NCOA3: variants seen among roughly 807,000 people sequenced by gnomAD.
The protein encoded by NCOA3 is nuclear receptor coactivator 3.
NCOA3 carries 51 observed loss-of-function variants against 158.8 expected under a neutral mutation model. That is an observed-to-expected ratio of 0.32 (90% CI 0.26 to 0.41). NCOA3 has a LOEUF of 0.41. Among genes scored for constraint, NCOA3 ranks in the 10% least tolerant of loss-of-function variants. The pLI is 1.00. For synonymous variants in NCOA3, 537 were observed against 592.4 expected (o/e 0.91, Z 1.36); for missense variants, 1,510 against 1,746.6 (o/e 0.86, Z 2.41).
intron 1 of NCOA3, among the ~76,000 whole-genome samples, chr20:47,561,724 C>G (rs1568684067): frequency 6.6e-6 from 1 of 152,102 alleles, no homozygotes; most frequent in Non-Finnish European, 1.5e-5. Flanking sequence ...CAACTCCCTG[C>G]CAGAGTGGTG....
chr20:47,518,197 T>G (rs965962676), intron 1 of NCOA3, among the ~76,000 whole-genome samples: 1 of 150,932 alleles, frequency 6.6e-6, no homozygotes, highest in Admixed American at 6.6e-5. Flanking sequence ...AAAAAAAAAA[T>G]TAGCTGGGCA....
rs751463287 is a variant in NCOA3 at position 47,651,088 on chromosome 20, AGC to A, written c.3759_3760del (p.Gln1254ThrfsTer31). 1.8e-5 allele frequency: 25 copies of A among 1,396,374 alleles called. No homozygotes were observed. The highest frequency in any genetic ancestry group is 2.4e-5 in the Non-Finnish European group (24 of 1,009,774). The allele number at this position is 1,396,374 out of a possible 1,614,324, so 86.5% of individuals were successfully genotyped here. ...ATGATGATGCAGCAGCAGCAGCAGCAGCAACAGCAGCAGCAGCAGCAGCAGCA... is the reference window on the plus strand; with the variant it reads ...ATGATGATGCAGCAGCAGCAGCAGCAAACAGCAGCAGCAGCAGCAGCAGCA... On this transcript the variant is annotated frameshift_variant, in exon 20 of 23. Coordinates refer to ENST00000371998, the MANE Select transcript of NCOA3 (RefSeq NM_181659.3). LOFTEE classifies it high-confidence loss of function.
intron 1 of NCOA3, among the ~76,000 whole-genome samples, chr20:47,538,748 G>A (rs1192139023): frequency 6.6e-6 from 1 of 152,128 alleles, no homozygotes; most frequent in Non-Finnish European, 1.5e-5. Flanking sequence ...GTTTCCCCAT[G>A]TTGGCCAGGC....
intron 1 of NCOA3, among the ~76,000 whole-genome samples, chr20:47,527,965 T>G (rs2084483503): frequency 1.3e-5 from 2 of 152,088 alleles, no homozygotes; most frequent in Admixed American, 6.6e-5. Context: ...TTTCTGTTAC[T>G]GAATTCTTAG....
chr20:47,536,805 CTTT>C (rs1227796813), intron 1 of NCOA3, among the ~76,000 whole-genome samples: 6 of 129,730 alleles, frequency 4.6e-5, no homozygotes, highest in East Asian at 2.2e-4. Context: ...CTGTTTTTTT[CTTT>C]TTTTTTTTTT....
At chr20:47,653,314 G>A (rs1438989889) in intron 22 of NCOA3, 92 bp from the exon 23 acceptor site, 3 of 1,462,790 alleles carry the variant, frequency 2.1e-6, no homozygotes. Flanking sequence ...TGCACTGTAA[G>A]CCATGAATGT....
At chr20:47,634,241 T>C in intron 10 of NCOA3, 46 bp downstream of exon 10, 1 of 1,551,478 alleles carries the variant, frequency 6.4e-7, no homozygotes, top group Non-Finnish European at 8.8e-7. Flanking sequence ...GCAGCAGTGT[T>C]CTCAAAATGC....
At chr20:47,589,191 G>A (rs886549959) in intron 2 of NCOA3, among the ~76,000 whole-genome samples, 4 of 152,108 alleles carry the variant, frequency 2.6e-5, no homozygotes, top group African/African-American at 9.7e-5. Context: ...AAGCCATTGT[G>A]CCCGGCCAGA....
intron 17 of NCOA3, among the ~76,000 whole-genome samples, chr20:47,644,843 G>A (rs1250906477): frequency 6.6e-6 from 1 of 152,172 alleles, no homozygotes; most frequent in Admixed American, 6.5e-5. Flanking sequence ...GACTACAGGC[G>A]CACGCCACCA....
intron 4 of NCOA3, among the ~76,000 whole-genome samples, chr20:47,624,608 G>GACTGAT (rs2086292879): frequency 6.6e-5 from 10 of 152,154 alleles, no homozygotes; most frequent in Admixed American, 6.5e-4. Flanking sequence ...ACAGGCCACA[G>GACTGAT]ACTGATACTT....
chr20:47,555,764 G>A (rs868028542), intron 1 of NCOA3, among the ~76,000 whole-genome samples: 65 of 147,174 alleles, frequency 4.4e-4, no homozygotes, highest in Middle Eastern at 7.2e-3. Context: ...TCAGCCTCCC[G>A]AGTAGCTGGG....
intron 1 of NCOA3, among the ~76,000 whole-genome samples, chr20:47,538,217 C>T (rs1250856432): frequency 6.6e-6 from 1 of 152,154 alleles, no homozygotes; most frequent in Non-Finnish European, 1.5e-5. Flanking sequence ...GGGAAAAAAA[C>T]CCAAGATGAT....
intron 2 of NCOA3, among the ~76,000 whole-genome samples, chr20:47,590,811 A>G (rs1398611062): frequency 6.6e-6 from 1 of 151,990 alleles, no homozygotes; most frequent in Non-Finnish European, 1.5e-5. Flanking sequence ...ACCCTGCCTC[A>G]AAACAAAACA....
chr20:47,586,285 A>G (rs1387501317), intron 2 of NCOA3, among the ~76,000 whole-genome samples: 3 of 152,148 alleles, frequency 2.0e-5, no homozygotes, highest in Admixed American at 1.3e-4. Context: ...AAAATATAGT[A>G]TAAAGAACAT....
intron 1 of NCOA3, among the ~76,000 whole-genome samples, chr20:47,551,385 C>T (rs990998960): frequency 6.6e-6 from 1 of 152,108 alleles, no homozygotes; most frequent in Non-Finnish European, 1.5e-5. Context: ...TGTAATGACA[C>T]GTTCCCTGAA....
At chr20:47,557,051 G>C (rs1032492462) in intron 1 of NCOA3, among the ~76,000 whole-genome samples, 8 of 152,070 alleles carry the variant, frequency 5.3e-5, no homozygotes, top group African/African-American at 1.9e-4. Context: ...TAATAAACCA[G>C]CTATTTGCTG....
intron 8 of NCOA3, chr20:47,631,495 G>T (rs2086417804): frequency 6.6e-6 from 1 of 152,188 alleles, no homozygotes. Flanking sequence ...ACCATCTATT[G>T]TCATGAAACC....
Position 47,511,550 on chromosome 20 carries a change from T to TATATATATATATATATATACACAC in NCOA3, c.-99+9537_-99+9538insATATATATATATACACACATATAT. ...ATATATATATATATATATATATATATATATATTTCTTTTTTTTTTTGAGAC... is the reference window on the plus strand; with the variant it reads ...ATATATATATATATATATATATATATATATATATATATATATATACACACATATATTTCTTTTTTTTTTTGAGAC... On this transcript the variant is annotated intron_variant, in intron 1 of 22. Coordinates refer to ENST00000371998, the MANE Select transcript of NCOA3 (RefSeq NM_181659.3). 5.4e-4 allele frequency among the ~76,000 whole-genome samples: 28 copies of TATATATATATATATATATACACAC among 52,262 alleles called. 1 individual carries two copies. Among genetic ancestry groups the TATATATATATATATATATACACAC allele is most frequent in the Non-Finnish European group, 8.8e-4 (22 of 25,098 alleles). 34.3% of individuals were successfully genotyped at this position (52,262 alleles called of 152,430 possible). A position where few individuals can be genotyped will look rare whatever the true frequency, so the allele number is the denominator to read the frequency against.
chr20:47,637,423 T>TA (rs1351351976), intron 12 of NCOA3, among the ~76,000 whole-genome samples: 1 of 152,230 alleles, frequency 6.6e-6, no homozygotes, highest in African/African-American at 2.4e-5. Flanking sequence ...TGTGTAAATT[T>TA]AAAAAATGCC....
Sources: allele counts gnomAD v4.1 joint callset (sites outside exome capture counted in the v4.1 genomes callset), GRCh38; gene constraint gnomAD v4.1.1; transcripts MANE v1.5; gene names NCBI Gene and HGNC (gene_info 2026-07-23, HGNC 2026-07-21).